The following PRKN variants were observed in gnomAD, a reference collection of about 807,000 sequenced individuals.
PRKN encodes the protein parkin RBR E3 ubiquitin protein ligase, also known as E3 ubiquitin-protein ligase parkin.
PRKN carries 56 observed loss-of-function variants against 59.5 expected under a neutral mutation model. The ratio of observed to expected loss-of-function variants is 0.94; its 90% CI spans 0.76 to 1.18. PRKN has a LOEUF of 1.18. Among genes scored for constraint, PRKN ranks in the 50% most tolerant of loss-of-function variants. The pLI is 0.00. For synonymous variants in PRKN, 250 were observed against 222.1 expected (o/e 1.13, Z -1.12); for missense variants, 657 against 596.4 (o/e 1.10, Z -1.06).
At chr6:162,685,840 G>C (rs2128233879) in intron 1 of PRKN, among the ~76,000 whole-genome samples, 2 of 152,162 alleles carry the variant, frequency 1.3e-5, no homozygotes, top group South Asian at 4.1e-4. Context: ...TGCCTTCCCT[G>C]TTTTTCCCTC....
chr6:162,652,383 A>G (rs146045078), intron 1 of PRKN, among the ~76,000 whole-genome samples: 36 of 152,292 alleles, frequency 2.4e-4, no homozygotes, highest in African/African-American at 8.7e-4. Flanking sequence ...AGGTTGTGTC[A>G]CAAGTGTTGT....
intron 5 of PRKN, among the ~76,000 whole-genome samples, chr6:162,000,928 G>C (rs1339431633): frequency 6.6e-6 from 1 of 151,064 alleles, no homozygotes; most frequent in Non-Finnish European, 1.5e-5. Context: ...TATATTCTTT[G>C]CTTCTTTGTT....
At chr6:161,776,453 T>C (rs1454682194) in intron 7 of PRKN, among the ~76,000 whole-genome samples, 1 of 152,214 alleles carries the variant, frequency 6.6e-6, no homozygotes, top group Non-Finnish European at 1.5e-5. Flanking sequence ...GAAAAACTCA[T>C]GCTAGCTAGC....
chr6:161,452,510 G>A (rs1360943316), intron 9 of PRKN, among the ~76,000 whole-genome samples: 3 of 152,090 alleles, frequency 2.0e-5, no homozygotes, highest in Admixed American at 1.3e-4. Flanking sequence ...AGAAGTTCAA[G>A]TATGTATAAA....
intron 6 of PRKN, among the ~76,000 whole-genome samples, chr6:161,791,501 T>C (rs930939230): frequency 6.6e-6 from 1 of 152,236 alleles, no homozygotes; most frequent in African/African-American, 2.4e-5. Flanking sequence ...ACACACTCTC[T>C]GGCAAAATCT....
At chr6:162,482,836 T>C (rs2128182726) in intron 1 of PRKN, among the ~76,000 whole-genome samples, 1 of 152,302 alleles carries the variant, frequency 6.6e-6, no homozygotes, top group East Asian at 1.9e-4. Context: ...TTGTCCAATC[T>C]ACCTTCCAAC....
intron 1 of PRKN, among the ~76,000 whole-genome samples, chr6:162,566,927 T>C (rs1583819374): frequency 6.6e-6 from 1 of 152,116 alleles, no homozygotes; most frequent in East Asian, 1.9e-4. Context: ...GAAAGTGGGA[T>C]TTATCCCTGG....
intron 2 of PRKN, among the ~76,000 whole-genome samples, chr6:162,428,842 T>G (rs1034487323): frequency 6.6e-6 from 1 of 152,168 alleles, no homozygotes; most frequent in Non-Finnish European, 1.5e-5. Flanking sequence ...CTTATGGCCT[T>G]GGCATGTGCT....
intron 1 of PRKN, among the ~76,000 whole-genome samples, chr6:162,604,944 C>T (rs1339951686): frequency 6.6e-6 from 1 of 152,158 alleles, no homozygotes; most frequent in African/African-American, 2.4e-5. Context: ...AATAACCTGG[C>T]CTTTTACTTA....
At chr6:162,689,105 C>T (rs1777674741) in intron 1 of PRKN, among the ~76,000 whole-genome samples, 1 of 152,148 alleles carries the variant, frequency 6.6e-6, no homozygotes, top group Admixed American at 6.6e-5. Context: ...TTAGATGCTC[C>T]TAATTTGTCA....
chr6:161,885,194 T>C (rs1224113548), intron 6 of PRKN, among the ~76,000 whole-genome samples: 1 of 151,298 alleles, frequency 6.6e-6, no homozygotes, highest in Non-Finnish European at 1.5e-5. Context: ...CTACTGAATC[T>C]GAACCTGCTT....
At chr6:162,206,613 C>A (rs559133568) in intron 3 of PRKN, among the ~76,000 whole-genome samples, 1 of 152,270 alleles carries the variant, frequency 6.6e-6, no homozygotes, top group South Asian at 2.1e-4. Flanking sequence ...TTCAGCCCTG[C>A]GCCTAGTCAT....
intron 1 of PRKN, among the ~76,000 whole-genome samples, chr6:162,668,647 C>G (rs1308237043): frequency 6.6e-6 from 1 of 152,156 alleles, no homozygotes; most frequent in East Asian, 1.9e-4. Context: ...AACAGCCACT[C>G]AAGAAGTTCC....
intron 6 of PRKN, among the ~76,000 whole-genome samples, chr6:161,971,441 T>G (rs1780802297): frequency 6.6e-6 from 1 of 152,210 alleles, no homozygotes; most frequent in Non-Finnish European, 1.5e-5. Flanking sequence ...AACAGTGACT[T>G]AAATTACCTG....
At chr6:161,863,351 T>C (rs1187475950) in intron 6 of PRKN, among the ~76,000 whole-genome samples, 3 of 151,810 alleles carry the variant, frequency 2.0e-5, no homozygotes, top group African/African-American at 7.2e-5. Context: ...AAAAACATTC[T>C]GTGTTGTTGT....
intron 1 of PRKN, among the ~76,000 whole-genome samples, chr6:162,656,724 G>C (rs960068659): frequency 6.6e-6 from 1 of 152,142 alleles, no homozygotes; most frequent in African/African-American, 2.4e-5. Flanking sequence ...ACACAATCCT[G>C]AAACAGCTTT....
rs1037331681 is a variant in PRKN at position 161,575,846 on chromosome 6, C to G, written c.872-6430G>C. ...AATTACAGTGACCTTCTATTTCCCC[C>G]CTAAGTACAACTTAGAAAAGGAAAC... On this transcript the variant is annotated intron_variant, in intron 7 of 11. Transcript: ENST00000366898. This position sits in a 1 kb window ranked among gnomAD's most constrained non-coding sequence, Gnocchi z 4.6. Among the ~76,000 whole-genome samples the G allele has an allele frequency of 3.9e-5, 6 of 152,308 alleles. No individual in the cohort carries two copies. The East Asian group carries it at 9.6e-4, about 24-fold the overall frequency.
At chr6:162,591,892 GA>G (rs57079805) in intron 1 of PRKN, among the ~76,000 whole-genome samples, 146 of 126,930 alleles carry the variant, frequency 1.2e-3, no homozygotes, top group African/African-American at 2.1e-3. Context: ...TGAACTGCTA[GA>G]AAAAAAAAAA....
At chr6:161,435,337 T>A (rs942662976) in intron 9 of PRKN, among the ~76,000 whole-genome samples, 1 of 152,188 alleles carries the variant, frequency 6.6e-6, no homozygotes, top group Non-Finnish European at 1.5e-5. Context: ...TATCAAGCCA[T>A]GCTCTGACGC....
Sources: gnomAD v4.1 joint callset for allele counts (sites outside exome capture counted in the v4.1 genomes callset) on GRCh38, gnomAD v4.1.1 for gene constraint, Gnocchi (gnomAD v3.1) non-coding constraint, MANE v1.5 for transcripts, NCBI Gene and HGNC (gene_info 2026-07-23, HGNC 2026-07-21) for gene names.